Variants in VIPR1 observed in about 807,000 individuals in gnomAD.
VIPR1 encodes the protein vasoactive intestinal polypeptide receptor 1.
In VIPR1, 59 loss-of-function variants were observed where a neutral mutation model predicts 58.8. That is an observed-to-expected ratio of 1.00 (90% confidence interval 0.81 to 1.25). The LOEUF (loss-of-function observed/expected upper bound fraction) is 1.25, where lower values mean the gene tolerates loss of function less well. Among genes scored for constraint, VIPR1 ranks in the 50% most tolerant of loss-of-function variants. The pLI is 0.00. For missense variants in VIPR1, 626 were observed against 602.7 expected (o/e 1.04, Z -0.40); for synonymous variants, 251 against 242.1 (o/e 1.04, Z -0.34).
intron 8 of VIPR1, 117 bp from the exon 9 acceptor site, chr3:42,531,686 T>C: frequency 4.5e-6 from 7 of 1,548,462 alleles, no homozygotes; most frequent in Non-Finnish European, 6.2e-6. Flanking sequence ...CAACAGACTC[T>C]GGGCCCGGGG....
At chr3:42,525,826 G>A in intron 3 of VIPR1, 61 bp from the exon 4 acceptor site, 1 of 1,487,910 alleles carries the variant, frequency 6.7e-7, no homozygotes, top group Non-Finnish European at 9.1e-7. Flanking sequence ...TCCAAGCAGA[G>A]ACAGCCAGGT....
intron 8 of VIPR1, 34 bp downstream of exon 8, chr3:42,531,565 C>T: frequency 6.3e-7 from 1 of 1,589,932 alleles, no homozygotes; most frequent in Non-Finnish European, 8.6e-7. Flanking sequence ...CCCCGGCCGC[C>T]ATCACTTGGG....
intron 12 of VIPR1, 117 bp from the exon 13 acceptor site, chr3:42,535,973 T>G: frequency 7.7e-7 from 1 of 1,290,708 alleles, no homozygotes; most frequent in Non-Finnish European, 1.0e-6. Flanking sequence ...GGTCCCTCCA[T>G]TTTGATTTCC....
Position 42,517,838 on chromosome 3 carries a change from T to C in VIPR1, c.185-1385T>C, listed in dbSNP as rs759697328. 9.9e-5 allele frequency among the ~76,000 whole-genome samples: 15 copies of C among 152,112 alleles called. No individual in the cohort carries two copies. The Middle Eastern group carries it at 0.014, about 138-fold the overall frequency. On this transcript the variant is annotated intron_variant, in intron 2 of 12. Coordinates refer to ENST00000325123, the MANE Select transcript of VIPR1 (RefSeq NM_004624.4). The stretch of plus-strand genomic sequence containing the variant: ...TAAAAATACAAAAATTAGCCGGGTG[T>C]GGTGGTGGGCTCCTGTAATCCCAGC...
At chr3:42,498,002 G>C (rs1482312673), upstream of VIPR1, among the ~76,000 whole-genome samples, 1 of 152,232 alleles carries the variant, frequency 6.6e-6, no homozygotes, top group Non-Finnish European at 1.5e-5. Flanking sequence ...GAGGGAAGGA[G>C]TTCTCAGGTT....
At chr3:42,534,433 CCT>C (rs1448975417) in intron 10 of VIPR1, 1 of 152,740 alleles carries the variant, frequency 6.5e-6, no homozygotes, top group Non-Finnish European at 1.5e-5. Context: ...TCATAGTGGG[CCT>C]CTGTTTCTAT....
intron 9 of VIPR1, 42 bp from the exon 10 acceptor site, chr3:42,532,200 C>T: frequency 6.3e-7 from 1 of 1,596,614 alleles, no homozygotes; most frequent in South Asian, 1.1e-5. Flanking sequence ...ACACCTCAGC[C>T]TTCCCGCTCT....
At chr3:42,523,257 C>A (rs1282026599) in intron 3 of VIPR1, among the ~76,000 whole-genome samples, 3 of 152,132 alleles carry the variant, frequency 2.0e-5, no homozygotes, top group African/African-American at 7.2e-5. Context: ...ATTTTGATAT[C>A]CTTGAGAGCA....
intron 3 of VIPR1, among the ~76,000 whole-genome samples, chr3:42,523,780 G>A (rs1701084214): frequency 6.6e-6 from 1 of 152,156 alleles, no homozygotes; most frequent in South Asian, 2.1e-4. Context: ...CAAAGCTCCA[G>A]TGTCCCAGCT....
intron 3 of VIPR1, among the ~76,000 whole-genome samples, chr3:42,523,821 CTT>C (rs149947431): frequency 2.0e-5 from 3 of 149,626 alleles, no homozygotes; most frequent in Non-Finnish European, 4.5e-5. Flanking sequence ...CCTTAATCCT[CTT>C]TTTTTTTTCC....
chr3:42,527,816 T>G, intron 5 of VIPR1, 175 bp from the exon 6 acceptor site: 1 of 935,250 alleles, frequency 1.1e-6, no homozygotes, highest in Non-Finnish European at 1.6e-6. Flanking sequence ...CACAGGTGGA[T>G]GGGGTACCTG....
At position 42,525,934 on chromosome 3, in the gene VIPR1, G is replaced by A. The variant is rs1701209025; in HGVS notation, c.340G>A (p.Glu114Lys). 1.9e-6 allele frequency: 3 copies of A among 1,613,560 alleles called. No individual in the cohort carries two copies. Among genetic ancestry groups the A allele is most frequent in the Admixed American group, 3.3e-5 (2 of 59,946 alleles). The part of the protein sequence containing the change: ...SCTDEGWTHL[E>K]PGPYPIACGL... ...CACCGACGAAGGCTGGACGCACCTG[G>A]AGCCTGGCCCGTACCCCATTGCCTG... The change falls in exon 4 of 13, where the codon GAG (glutamate) becomes AAG (lysine). Residue 114 changes from glutamate (E) to lysine (K), a missense_variant. Physicochemically the swap from Glu to Lys is moderately conservative, Grantham distance 56 (BLOSUM62 1). Transcript: ENST00000325123.
In VIPR1 at chr3:42,535,093, G is replaced by A. The variant is rs768714483; in HGVS notation, c.1129G>A (p.Gly377Arg). The change falls in exon 11 of 13, where the codon GGG becomes AGG. Residue 377 changes from glycine (G) to arginine (R), a missense_variant. Transcript: ENST00000325123. ...GAAGATGGTCTTTGAGCTCGTCGTG[G>A]GGTCTTTCCAGGTATGGGCTGTTGA... is the stretch of plus-strand genomic sequence containing the variant. ...EVKMVFELVVGSFQGFVVAIL... is the reference protein window; with the variant it reads ...EVKMVFELVVRSFQGFVVAIL... The A allele has an allele frequency of 1.7e-5, 28 of 1,614,076 alleles. No individual in the cohort carries two copies. The highest frequency in any genetic ancestry group is 2.2e-5 in the Non-Finnish European group (26 of 1,180,036).
chr3:42,494,398 C>T (rs1488424706), intron 1 of VIPR1, among the ~76,000 whole-genome samples: 2 of 152,182 alleles, frequency 1.3e-5, no homozygotes, highest in African/African-American at 4.8e-5. Flanking sequence ...AGTTTGATTA[C>T]ATAGGAGTTA....
chr3:42,534,859 A>T (rs1577261519), intron 10 of VIPR1, 116 bp from the exon 11 acceptor site: 1 of 1,371,058 alleles, frequency 7.3e-7, no homozygotes, highest in Non-Finnish European at 1.0e-6. Flanking sequence ...GTCCATCCTC[A>T]TACTTCCTGG....
At position 42,528,082 on chromosome 3, in the gene VIPR1, C is replaced by T. The variant is rs1701331622; in HGVS notation, c.595C>T (p.Leu199Phe). 1.2e-6 allele frequency: 2 copies of T among 1,614,042 alleles called. No homozygotes were observed. Among genetic ancestry groups the T allele is most frequent in the Non-Finnish European group, 8.5e-7 (1 of 1,179,952 alleles). ...AAAVFIKDLA[L>F]FDSGESDQCS... The stretch of plus-strand genomic sequence containing the variant: ...CGCTGTCTTCATCAAAGACTTGGCC[C>T]TCTTCGACAGCGGGGAGTCGGACCA... Residue 199 changes from leucine (L) to phenylalanine (F), a missense_variant, in exon 6 of 13, where the codon CTC becomes TTC. Physicochemically the swap from Leu to Phe is conservative, Grantham distance 22 (BLOSUM62 0). Transcript: ENST00000325123.
chr3:42,531,571 T>C (rs1244454254), intron 8 of VIPR1, 40 bp downstream of exon 8: 1 of 1,588,568 alleles, frequency 6.3e-7, no homozygotes, highest in Non-Finnish European at 8.6e-7. Context: ...CCGCCATCAC[T>C]TGGGCAGGCC....
rs1014161301 is a variant in VIPR1, at chr3:42,525,867, T to A, written c.293-20T>A. ...TGCTCCCGGCCTCAGCCTTTGTCCT[T>A]GCCCCTGCCCTCCACCCAGGCCGCA... On this transcript the variant is annotated intron_variant, in intron 3 of 12. Coordinates refer to ENST00000325123, the MANE Select transcript of VIPR1 (RefSeq NM_004624.4). The A allele has an allele frequency of 9.4e-6, 15 of 1,590,446 alleles. No homozygotes were observed. Among genetic ancestry groups the A allele is most frequent in the Non-Finnish European group, 1.2e-5 (14 of 1,168,800 alleles).
At chr3:42,510,027 C>T (rs542608714) in intron 1 of VIPR1, among the ~76,000 whole-genome samples, 2 of 152,334 alleles carry the variant, frequency 1.3e-5, no homozygotes, top group East Asian at 3.9e-4. Flanking sequence ...GCCCCCATGG[C>T]CTAGGAGTGA....
Sources: gnomAD v4.1 joint callset for allele counts (sites outside exome capture counted in the v4.1 genomes callset) on GRCh38, gnomAD v4.1.1 for gene constraint, MANE v1.5 for transcripts, NCBI Gene and HGNC (gene_info 2026-07-23, HGNC 2026-07-21) for gene names.